The following GGT5 variants were observed in gnomAD, a reference collection of about 807,000 sequenced individuals.
GGT5 encodes glutathione hydrolase 5 proenzyme.
Under a neutral mutation model 58.1 loss-of-function variants are expected in GGT5, and 50 were observed. The ratio of observed to expected loss-of-function variants is 0.86; its 90% CI spans 0.69 to 1.09. The LOEUF (loss-of-function observed/expected upper bound fraction) is 1.09. Among genes scored for constraint, GGT5 ranks in the 50% least tolerant of loss-of-function variants. GGT5 has a pLI of 0.00. For synonymous variants in GGT5, 370 were observed against 346.1 expected, an observed-to-expected ratio of 1.07 and a Z score of -0.77; for missense variants, 800 against 789.4, an observed-to-expected ratio of 1.01 and a Z score of -0.16.
rs748165399 is a variant in GGT5 at position 24,232,894 on chromosome 22, C to A, written c.525G>T (p.Val175=). 2.2e-5 allele frequency: 35 copies of A among 1,585,196 alleles called. No homozygotes were observed. The highest frequency in any genetic ancestry group is 2.8e-5 in the Non-Finnish European group (33 of 1,165,280). Residue 175 remains valine, a synonymous_variant, in exon 4 of 12, where the codon GTG becomes GTT. Transcript: ENST00000327365. ...GGAAACGGCTGAGGACAGGGGCCAC[C>A]ACATGCCCCCCTCGGAGCAGCGCGA... ...PTIALLRGGH[V]VAPVLSRFLH... is the part of the protein sequence containing the mutation.
chr22:24,241,114 G>A (rs2048314439), intron 1 of GGT5: 1 of 135,184 alleles, frequency 7.4e-6, no homozygotes, highest in African/African-American at 2.8e-5. Flanking sequence ...CCAAGATCGT[G>A]CTATTGTACT....
chr22:24,238,513 C>T lies in GGT5; in HGVS notation c.174-4509G>A, dbSNP rs183796280. Among the ~76,000 whole-genome samples the T allele has an allele frequency of 4.7e-3, 684 of 144,926 alleles. 8 individuals carry two copies. Among genetic ancestry groups the T allele is most frequent in the African/African-American group, 0.015 (575 of 38,990 alleles). On this transcript the variant is annotated intron_variant, in intron 1 of 11. Transcript: ENST00000327365. ...TCGTGCCATTGCACTTCAGCCTGGGCGACACAGTGAGACCCCATCTCAAAA... is the reference window on the plus strand; with the variant it reads ...TCGTGCCATTGCACTTCAGCCTGGGTGACACAGTGAGACCCCATCTCAAAA...
Position 24,225,404 on chromosome 22 carries a change from T to A in GGT5, c.1344A>T (p.Gly448=). The change falls in exon 10 of 12, where the codon GGA becomes GGT. Residue 448 remains glycine, a synonymous_variant. Coordinates refer to ENST00000327365, the MANE Select transcript of GGT5 (RefSeq NM_004121.5). The part of the protein sequence containing the change: ...GSGTTPSPVS[G]DRVGGAPGRC... ...TTCCGGGAGCTCCACCCACCCTGTC[T>A]CCACTCACTGCTGAGCAAACAGCGT... The A allele has an allele frequency of 6.2e-7, 1 of 1,606,148 alleles. No individual in the cohort carries two copies. Among genetic ancestry groups the A allele is most frequent in the Non-Finnish European group, 8.5e-7 (1 of 1,175,262 alleles).
At position 24,225,422 on chromosome 22, in the gene GGT5, A is replaced by AGT; in HGVS notation, c.1337-12_1337-11insAC. ...CCCTGTCTCCACTCACTGCTGAGCA[A>AGT]ACAGCGTCTTGGCAAGTGCAGTGAC... On this transcript the variant is annotated splice_polypyrimidine_tract_variant and intron_variant, in intron 9 of 11. Transcript: ENST00000327365. The AGT allele has an allele frequency of 6.2e-7, 1 of 1,605,432 alleles. No homozygotes were observed. The highest frequency in any genetic ancestry group is 8.5e-7 in the Non-Finnish European group (1 of 1,174,482).
chr22:24,221,542 C>T (rs1430437499), intron 11 of GGT5, among the ~76,000 whole-genome samples: 1 of 152,124 alleles, frequency 6.6e-6, no homozygotes, highest in East Asian at 1.9e-4. Flanking sequence ...AGATGGAGTC[C>T]CGCTCTGTCA....
At position 24,225,892 on chromosome 22, in the gene GGT5, C is replaced by T. The variant is rs573307691; in HGVS notation, c.1229+184G>A. Among the ~76,000 whole-genome samples, 12 of 152,288 alleles carry T rather than the reference C, an allele frequency of 7.9e-5. No individual in the cohort carries two copies. In the South Asian group the frequency reaches 1.9e-3, roughly 24 times the overall value. ...CAGGTAAATCTTGGGTCGGGGCCAC[C>T]CCAGCAGCAGCCTTTCCAGCCAGAG... On this transcript the variant is annotated intron_variant, in intron 8 of 11. Transcript: ENST00000327365.
Position 24,244,912 on chromosome 22 carries a change from G to A in GGT5, c.-187C>T, listed in dbSNP as rs2048434264. On this transcript the variant is annotated 5_prime_UTR_variant, in exon 1 of 12. Coordinates refer to ENST00000327365, the MANE Select transcript of GGT5 (RefSeq NM_004121.5). ...GCCAGATAGCTAGACAAAGAGGACA[G>A]TAAGAGAAAGATGGTCAGATAGACA... The A allele has an allele frequency of 2.9e-6, 3 of 1,035,010 alleles. No homozygotes were observed. Among genetic ancestry groups the A allele is most frequent in the Admixed American group, 5.8e-5 (2 of 34,338 alleles). The allele number at this position is 1,035,010 out of a possible 1,614,324, so 64.1% of individuals were successfully genotyped here.
chr22:24,237,923 A>G (rs1349587693), intron 1 of GGT5, among the ~76,000 whole-genome samples: 2 of 152,138 alleles, frequency 1.3e-5, no homozygotes, highest in Non-Finnish European at 2.9e-5. Flanking sequence ...TTTATCAAAG[A>G]ACTGTCATCT....
Position 24,232,094 on chromosome 22 carries a change from C to A in GGT5, c.711G>T (p.Thr237=), listed in dbSNP as rs145093915. The change falls in exon 5 of 12, where the codon ACG becomes ACT. Residue 237 remains threonine, a synonymous_variant. Transcript: ENST00000327365. ...VATEGVEVFY[T]GRLGQMLVED... ...CCACCAGCATCTGGCCCAGCCTCCC[C>A]GTGTAGAAGACCTCCACGCCCTCTG... 1.6e-5 allele frequency: 26 copies of A among 1,613,098 alleles called. 1 individual carries two copies. In the East Asian group the frequency reaches 5.8e-4, roughly 36 times the overall value.
Position 24,219,872 on chromosome 22 carries a change from G to A in GGT5, c.*98C>T, listed in dbSNP as rs367714604. 25 of 1,240,722 alleles carry A rather than the reference G, an allele frequency of 2.0e-5. No individual in the cohort carries two copies. The East Asian group carries it at 2.8e-4, about 14-fold the overall frequency. The allele number at this position is 1,240,722 out of a possible 1,614,324, so 76.9% of individuals were successfully genotyped here. A position where few individuals can be genotyped will look rare whatever the true frequency, so the allele number is the denominator to read the frequency against. On this transcript the variant is annotated 3_prime_UTR_variant, in exon 12 of 12. Coordinates refer to ENST00000327365, the MANE Select transcript of GGT5 (RefSeq NM_004121.5). ...TCTCAGCTGGACTCCCCTGCCAGGGGTCCAGATCCTGCCAGAGTAGTTGGT... is the reference window on the plus strand; with the variant it reads ...TCTCAGCTGGACTCCCCTGCCAGGGATCCAGATCCTGCCAGAGTAGTTGGT...
intron 1 of GGT5, among the ~76,000 whole-genome samples, chr22:24,237,007 CTTT>C (rs35060391): frequency 6.5e-4 from 85 of 131,102 alleles, no homozygotes; most frequent in Non-Finnish European, 1.2e-3. Flanking sequence ...TCTTTTCTCT[CTTT>C]TTTTTTTTTT....
At chr22:24,243,572 C>T (rs2048381718) in intron 1 of GGT5, 1 of 152,302 alleles carries the variant, frequency 6.6e-6, no homozygotes, top group Non-Finnish European at 1.5e-5. Context: ...TCCCAACAGC[C>T]TGCAAGACAG....
Position 24,232,067 on chromosome 22 carries a change from C to A in GGT5, c.738G>T (p.Glu246Asp). 6.2e-7 allele frequency: 1 copy of A among 1,613,500 alleles called. No individual in the cohort carries two copies. The highest frequency in any genetic ancestry group is 8.5e-7 in the Non-Finnish European group (1 of 1,179,672). ...GAGGCTGACCTTCCTTGGCAATGTC[C>A]TCCACCAGCATCTGGCCCAGCCTCC... ...YTGRLGQMLV[E>D]DIAKEGSQLT... The change falls in exon 5 of 12, where the codon GAG becomes GAT. Residue 246 changes from glutamate to aspartate, a missense_variant. Glu to Asp is a conservative substitution (Grantham distance 45). Transcript: ENST00000327365.
intron 6 of GGT5, among the ~76,000 whole-genome samples, chr22:24,229,906 G>A (rs148828045): frequency 3.3e-5 from 5 of 149,694 alleles, no homozygotes; most frequent in Middle Eastern, 3.5e-3. Context: ...CCATGCAACC[G>A]AACACCACTT....
intron 11 of GGT5, among the ~76,000 whole-genome samples, chr22:24,224,604 G>GA (rs2047694983): frequency 6.6e-6 from 1 of 152,002 alleles, no homozygotes; most frequent in South Asian, 2.1e-4. Context: ...ACTGTCACAG[G>GA]AAAAACAACC....
chr22:24,226,796 TG>T, intron 6 of GGT5, 29 bp from the exon 7 acceptor site: 4 of 1,609,154 alleles, frequency 2.5e-6, no homozygotes, highest in Non-Finnish European at 3.4e-6. Context: ...ACAGGTTGGT[TG>T]GGGTCACCCT....
chr22:24,220,757 C>T (rs925667219), intron 11 of GGT5: 20 of 444,996 alleles, frequency 4.5e-5, no homozygotes, highest in Admixed American at 1.5e-4. Context: ...TTGGGCTGGG[C>T]GTGGTGGCTC....
chr22:24,235,929 G>A (rs373784367), intron 1 of GGT5, among the ~76,000 whole-genome samples: 45 of 152,248 alleles, frequency 3.0e-4, no homozygotes, highest in African/African-American at 9.9e-4. Flanking sequence ...TTTGGTTTTC[G>A]TCCCACCTCC....
chr22:24,222,134 G>A (rs1377021481), intron 11 of GGT5, among the ~76,000 whole-genome samples: 14 of 151,926 alleles, frequency 9.2e-5, no homozygotes, highest in African/African-American at 2.2e-4. Flanking sequence ...AGCTGAGATC[G>A]CGCCACTGCA....
Sources: allele counts gnomAD v4.1 joint callset (sites outside exome capture counted in the v4.1 genomes callset), GRCh38; gene constraint gnomAD v4.1.1; transcripts MANE v1.5; gene names NCBI Gene and HGNC (gene_info 2026-07-23, HGNC 2026-07-21).